CAMK1D: variants seen among roughly 807,000 people sequenced by gnomAD.
CAMK1D encodes the protein calcium/calmodulin dependent protein kinase ID.
In CAMK1D, 9 loss-of-function variants were observed where a neutral mutation model predicts 47.7. The ratio of observed to expected loss-of-function variants is 0.19; its 90% CI spans 0.11 to 0.33. CAMK1D has a LOEUF of 0.33. CAMK1D is among the 10% of genes least tolerant of loss of function. The probability of loss-of-function intolerance (pLI) is 1.00; values close to 1 mark genes in which losing one functional copy is unlikely to be tolerated. For missense variants in CAMK1D, 291 were observed against 488.7 expected (o/e 0.60, Z 3.81); for synonymous variants, 184 against 184.9 (o/e 0.99, Z 0.04).
chr10:12,700,265 G>A lies in CAMK1D; in HGVS notation c.299+33455G>A, dbSNP rs540683456. Among the ~76,000 whole-genome samples, 7 of 152,266 alleles carry A rather than the reference G, an allele frequency of 4.6e-5. No individual in the cohort carries two copies. In the South Asian group the frequency reaches 8.3e-4, roughly 18 times the overall value. On this transcript the variant is annotated intron_variant, in intron 3 of 10. Transcript: ENST00000619168. ...AGAGGTTTAGTTGACTCCCAGTTGCGCAGGCCTGGGGAGGCCTCAGGAAAC... is the reference window on the plus strand; with the variant it reads ...AGAGGTTTAGTTGACTCCCAGTTGCACAGGCCTGGGGAGGCCTCAGGAAAC...
chr10:12,623,753 A>G (rs1369372022), intron 2 of CAMK1D, among the ~76,000 whole-genome samples: 1 of 151,844 alleles, frequency 6.6e-6, no homozygotes, highest in East Asian at 1.9e-4. Flanking sequence ...TATTTTGCAA[A>G]AGCAATAAAT....
At chr10:12,783,756 C>T (rs957742374) in intron 5 of CAMK1D, among the ~76,000 whole-genome samples, 17 of 152,046 alleles carry the variant, frequency 1.1e-4, no homozygotes, top group Admixed American at 1.0e-3. Context: ...TGAAGTCTCT[C>T]GAGTCTTTCC....
chr10:12,819,087 A>C (rs927891243), intron 8 of CAMK1D, among the ~76,000 whole-genome samples: 1 of 152,196 alleles, frequency 6.6e-6, no homozygotes, highest in African/African-American at 2.4e-5. Flanking sequence ...TGTAGAAGGC[A>C]GGAAAAAGGC....
intron 1 of CAMK1D, among the ~76,000 whole-genome samples, chr10:12,356,535 A>G (rs1406258940): frequency 2.0e-5 from 3 of 152,122 alleles, no homozygotes; most frequent in African/African-American, 7.2e-5. Flanking sequence ...AGCCTGGCCA[A>G]CGTGGTGAAA....
intron 6 of CAMK1D, among the ~76,000 whole-genome samples, chr10:12,804,656 G>GAA (rs1564574806): frequency 4.0e-5 from 6 of 151,566 alleles, no homozygotes; most frequent in African/African-American, 1.5e-4. Flanking sequence ...GATACAGGCT[G>GAA]AGTATGATGG....
At position 12,788,714 on chromosome 10, in the gene CAMK1D, G is replaced by C. The variant is rs115403183; in HGVS notation, c.566-2444G>C. Reference sequence around the variant, plus strand: ...TGGTAAATGTGGCTCCCTTTTGTCAGTTCCCATAAGACAAGAGTCTTGAGA... The same window carrying C: ...TGGTAAATGTGGCTCCCTTTTGTCACTTCCCATAAGACAAGAGTCTTGAGA... On this transcript the variant is annotated intron_variant, in intron 5 of 10. Transcript: ENST00000619168. Among the ~76,000 whole-genome samples the C allele has an allele frequency of 1.9e-3, 290 of 152,308 alleles. 2 individuals are homozygous for C. Among genetic ancestry groups the C allele is most frequent in the African/African-American group, 6.7e-3 (277 of 41,574 alleles).
intron 1 of CAMK1D, among the ~76,000 whole-genome samples, chr10:12,454,658 T>C (rs752476830): frequency 1.3e-5 from 2 of 151,884 alleles, no homozygotes; most frequent in Non-Finnish European, 2.9e-5. Context: ...AGATGGAGTC[T>C]CGCTGTGTTC....
intron 3 of CAMK1D, chr10:12,725,175 C>T (rs144899166): frequency 1.3e-5 from 2 of 154,006 alleles, no homozygotes; most frequent in East Asian, 3.9e-4. Context: ...CCCACATTGC[C>T]ACAGGAGCCA....
At chr10:12,642,922 CTTTTATTTT>C (rs1839705267) in intron 2 of CAMK1D, among the ~76,000 whole-genome samples, 1 of 151,906 alleles carries the variant, frequency 6.6e-6, no homozygotes, top group Admixed American at 6.6e-5. Context: ...AGTTACAGAC[CTTTTATTTT>C]TTTCTTAAAT....
At chr10:12,735,235 G>A (rs1298820135) in intron 3 of CAMK1D, among the ~76,000 whole-genome samples, 3 of 152,224 alleles carry the variant, frequency 2.0e-5, no homozygotes, top group Non-Finnish European at 2.9e-5. Flanking sequence ...CCAGCACTTT[G>A]GGAGGCCGAG....
At position 12,602,524 on chromosome 10, in the gene CAMK1D, G is replaced by A. The variant is rs539378478; in HGVS notation, c.224+49168G>A. 2.0e-5 allele frequency among the ~76,000 whole-genome samples: 3 copies of A among 152,110 alleles called. No homozygotes were observed. The East Asian group carries it at 5.8e-4, about 29-fold the overall frequency. ...TATTTGTAGGAGCAGGTGCCATTTG[G>A]GACAGAGCACAGGGTGTGGGAGCAT... On this transcript the variant is annotated intron_variant, in intron 2 of 10. Coordinates refer to ENST00000619168, the MANE Select transcript of CAMK1D (RefSeq NM_153498.4).
At chr10:12,731,734 T>C (rs1032709889) in intron 3 of CAMK1D, among the ~76,000 whole-genome samples, 2 of 152,146 alleles carry the variant, frequency 1.3e-5, no homozygotes, top group African/African-American at 4.8e-5. Flanking sequence ...GATGGAAAGA[T>C]GGATTGGAGG....
intron 3 of CAMK1D, among the ~76,000 whole-genome samples, chr10:12,735,829 C>T (rs145013956): frequency 2.3e-4 from 35 of 151,800 alleles, no homozygotes; most frequent in Admixed American, 1.8e-3. Context: ...TGTAACCCCT[C>T]CTTGCGCTCC....
chr10:12,751,434 A>G (rs1835981777), intron 3 of CAMK1D, among the ~76,000 whole-genome samples: 1 of 152,102 alleles, frequency 6.6e-6, no homozygotes, highest in East Asian at 1.9e-4. Context: ...TTCTTTAGTC[A>G]GCAAATATTT....
intron 1 of CAMK1D, among the ~76,000 whole-genome samples, chr10:12,357,343 T>C (rs1006137597): frequency 2.7e-5 from 4 of 150,916 alleles, no homozygotes; most frequent in Non-Finnish European, 4.4e-5. Flanking sequence ...TGAGACGGAG[T>C]CTCACTCTGT....
intron 5 of CAMK1D, among the ~76,000 whole-genome samples, chr10:12,785,454 C>G (rs1482625507): frequency 6.6e-6 from 1 of 152,310 alleles, no homozygotes; most frequent in East Asian, 1.9e-4. Context: ...GTTCCCCAAT[C>G]ACACGTGAAT....
intron 1 of CAMK1D, among the ~76,000 whole-genome samples, chr10:12,505,162 C>T (rs961439221): frequency 6.6e-6 from 1 of 152,118 alleles, no homozygotes; most frequent in Admixed American, 6.6e-5. Context: ...AGAAGCCGTC[C>T]GTGTGAGCAG....
chr10:12,358,555 T>C (rs1459829298), intron 1 of CAMK1D, among the ~76,000 whole-genome samples: 2 of 151,862 alleles, frequency 1.3e-5, no homozygotes, highest in Admixed American at 6.6e-5. Context: ...AAAAAAGAAA[T>C]GGGGGATTCT....
chr10:12,796,347 A>G (rs561651787), intron 6 of CAMK1D, among the ~76,000 whole-genome samples: 9 of 152,278 alleles, frequency 5.9e-5, no homozygotes, highest in Admixed American at 1.3e-4. Context: ...ATGGTACTCC[A>G]CTTTCTTTAG....
Sources: gnomAD v4.1 joint callset for allele counts (sites outside exome capture counted in the v4.1 genomes callset) on GRCh38, gnomAD v4.1.1 for gene constraint, MANE v1.5 for transcripts, NCBI Gene and HGNC (gene_info 2026-07-23, HGNC 2026-07-21) for gene names.